Variants in SMARCA2 observed in about 807,000 individuals in gnomAD.
SMARCA2 encodes the protein SWI/SNF related BAF chromatin remodeling complex subunit ATPase 2, also known as SWI/SNF-related matrix-associated actin-dependent regulator of chromatin subfamily A member 2.
A neutral mutation model predicts 199.8 loss-of-function variants in SMARCA2; 61 were observed. The ratio of observed to expected loss-of-function variants is 0.31; its 90% CI spans 0.25 to 0.38. SMARCA2 has a LOEUF of 0.38. SMARCA2 is among the 10% of genes least tolerant of loss of function. The pLI, the probability that SMARCA2 is intolerant of heterozygous loss-of-function variation, is 1.00. For missense variants in SMARCA2, 1,344 were observed against 2,012.2 expected (o/e 0.67, Z 6.35); for synonymous variants, 935 against 732.0 (o/e 1.28, Z -4.48).
At chr9:2,060,516 A>G (rs1359485896) in intron 8 of SMARCA2, among the ~76,000 whole-genome samples, 1 of 152,240 alleles carries the variant, frequency 6.6e-6, no homozygotes, top group East Asian at 1.9e-4. Context: ...ATCTTTTTGT[A>G]CAGTTAAAGC....
rs1033365107 is a variant in SMARCA2, at chr9:2,102,159, G to GTGTGTGTGTGTT, written c.3125+549_3125+550insTGTGTTTGTGTG. 2.0e-5 allele frequency among the ~76,000 whole-genome samples: 3 copies of GTGTGTGTGTGTT among 148,140 alleles called. No homozygotes were observed. The Admixed American group carries it at 2.0e-4, about 10-fold the overall frequency. On this transcript the variant is annotated intron_variant, in intron 22 of 33. Coordinates refer to ENST00000349721, the MANE Select transcript of SMARCA2 (RefSeq NM_003070.5). ...TGTGTGTGTGTGTGTGTGTGTGTGT[G>GTGTGTGTGTGTT]TGTGTGGTGTGTTGCAAATTTGAAA...
chr9:2,172,558 G>T (rs771704636), intron 29 of SMARCA2, among the ~76,000 whole-genome samples: 1 of 152,146 alleles, frequency 6.6e-6, no homozygotes, highest in Non-Finnish European at 1.5e-5. Flanking sequence ...GGAGACGAAG[G>T]AAGACTGGGA....
intron 5 of SMARCA2, 164 bp downstream of exon 5, chr9:2,047,648 A>G (rs912487669): frequency 3.9e-5 from 33 of 850,400 alleles, no homozygotes; most frequent in Non-Finnish European, 4.7e-5. Context: ...TGCTGAGGGG[A>G]GGCACCGGGG....
At chr9:2,121,562 A>T (rs1823461588) in intron 26 of SMARCA2, among the ~76,000 whole-genome samples, 1 of 152,214 alleles carries the variant, frequency 6.6e-6, no homozygotes, top group Non-Finnish European at 1.5e-5. Flanking sequence ...ATGGAATGTG[A>T]GCTAGAATAA....
In SMARCA2 at chr9:2,185,784, A is replaced by G. The variant is rs181421270; in HGVS notation, c.4462-312A>G. 4.2e-3 allele frequency among the ~76,000 whole-genome samples: 644 copies of G among 152,336 alleles called. 2 individuals are homozygous for G. The highest frequency in any genetic ancestry group is 0.015 in the African/African-American group (613 of 41,566). On this transcript the variant is annotated intron_variant, in intron 31 of 33. Transcript: ENST00000349721. ...TCTTACTACAGCATTTGGTAGAACA[A>G]TTCAAATAAGAAATGTAGTTTTAAA...
At chr9:2,181,885 G>T (rs1014286078) in intron 30 of SMARCA2, among the ~76,000 whole-genome samples, 31 of 152,270 alleles carry the variant, frequency 2.0e-4, no homozygotes, top group African/African-American at 7.5e-4. Flanking sequence ...AGAGCTTTCA[G>T]GCTCCCTGCT....
chr9:2,185,167 G>A (rs1374932705), intron 31 of SMARCA2, among the ~76,000 whole-genome samples: 2 of 152,016 alleles, frequency 1.3e-5, no homozygotes, highest in Non-Finnish European at 2.9e-5. Flanking sequence ...GCGTGCCTAC[G>A]AACAACTAAC....
chr9:2,047,303 C>G lies in SMARCA2; in HGVS notation c.865C>G (p.Pro289Ala). 1 of 997,008 alleles carries G rather than the reference C, an allele frequency of 1.0e-6. No homozygotes were observed. The allele number at this position is 997,008 out of a possible 1,614,324, so 61.8% of individuals were successfully genotyped here. The change falls in exon 5 of 34, where the codon CCC becomes GCC. Residue 289 changes from proline to alanine, a missense_variant. Around this residue, in one of 18 missense-constraint regions of SMARCA2, gnomAD observed 117 missense variants for 99.1 expected, o/e 1.18. Transcript: ENST00000349721. ...PVPAPGGRPS[P>A]APPAAAQPPA... ...GCCCGCGCCCGGCGGCCGGCCCTCGCCCGCGCCCCCCGCAGCCGCGCAGCC... is the reference window on the plus strand; with the variant it reads ...GCCCGCGCCCGGCGGCCGGCCCTCGGCCGCGCCCCCCGCAGCCGCGCAGCC...
chr9:2,102,165 G>GT (rs3138844), intron 22 of SMARCA2, among the ~76,000 whole-genome samples: 1 of 148,502 alleles, frequency 6.7e-6, no homozygotes, highest in East Asian at 2.0e-4. Context: ...GTGTGTGTGT[G>GT]GTGTGTTGCA....
At chr9:2,146,704 G>A (rs1824767680) in intron 27 of SMARCA2, among the ~76,000 whole-genome samples, 1 of 152,154 alleles carries the variant, frequency 6.6e-6, no homozygotes, top group Non-Finnish European at 1.5e-5. Flanking sequence ...GTTTTTTGAT[G>A]ATATGCTAAA....
chr9:2,048,832 T>C (rs1038170359), intron 5 of SMARCA2, among the ~76,000 whole-genome samples: 6 of 152,240 alleles, frequency 3.9e-5, no homozygotes, highest in African/African-American at 1.4e-4. Context: ...GGGTGAATAA[T>C]TGCTGTGTGT....
chr9:2,111,470 C>T (rs1822996051), intron 24 of SMARCA2, among the ~76,000 whole-genome samples: 1 of 134,586 alleles, frequency 7.4e-6, no homozygotes, highest in African/African-American at 2.8e-5. Flanking sequence ...CCAGCCCGGG[C>T]GACAAAGCAA....
intron 13 of SMARCA2, 114 bp from the exon 14 acceptor site, chr9:2,077,511 GATAA>G: frequency 1.0e-6 from 1 of 965,878 alleles, no homozygotes; most frequent in South Asian, 1.6e-5. Flanking sequence ...AGTCGTGGTT[GATAA>G]ATAAAACACA....
At chr9:2,145,092 G>C (rs951832770) in intron 27 of SMARCA2, among the ~76,000 whole-genome samples, 1 of 152,114 alleles carries the variant, frequency 6.6e-6, no homozygotes, top group Non-Finnish European at 1.5e-5. Flanking sequence ...TTGAGGTCAG[G>C]AGTTCGAAAC....
intron 27 of SMARCA2, among the ~76,000 whole-genome samples, chr9:2,152,414 G>A (rs758698707): frequency 2.6e-5 from 4 of 152,154 alleles, no homozygotes; most frequent in Non-Finnish European, 4.4e-5. Context: ...TTAGCCAGGT[G>A]TGGTGGCTCA....
chr9:2,088,418 C>T lies in SMARCA2; in HGVS notation c.2770-82C>T, dbSNP rs1158697257. ...GTAAAATGTCAATCATGTATTGAACCACACATATGTAACATAAAGCTTTAT... is the reference window on the plus strand; with the variant it reads ...GTAAAATGTCAATCATGTATTGAACTACACATATGTAACATAAAGCTTTAT... On this transcript the variant is annotated intron_variant, in intron 18 of 33. Transcript: ENST00000349721. 2.1e-6 allele frequency: 3 copies of T among 1,455,018 alleles called. No individual in the cohort carries two copies. In the Admixed American group the frequency reaches 7.9e-5, roughly 38 times the overall value. The allele number at this position is 1,455,018 out of a possible 1,614,324, so 90.1% of individuals were successfully genotyped here.
intron 2 of SMARCA2, among the ~76,000 whole-genome samples, chr9:2,029,913 A>G (rs1040738189): frequency 6.6e-6 from 1 of 152,222 alleles, no homozygotes; most frequent in Non-Finnish European, 1.5e-5. Context: ...TATCTGTACA[A>G]CTTGGCATTA....
In SMARCA2 at chr9:2,115,010, C is replaced by G. The variant is rs909844286; in HGVS notation, c.3457-812C>G. 6.6e-6 allele frequency among the ~76,000 whole-genome samples: 1 copy of G among 151,710 alleles called. No individual in the cohort carries two copies. The highest frequency in any genetic ancestry group is 2.4e-5 in the African/African-American group (1 of 41,286). On this transcript the variant is annotated intron_variant, in intron 24 of 33. Transcript: ENST00000349721. This position sits in a 1 kb window ranked among gnomAD's most constrained non-coding sequence, Gnocchi z 6.0. ...ATACATATAGTAGGATACTATAATT[C>G]ATTTAACTAATTCAGTATTGTTGAA...
intron 31 of SMARCA2, among the ~76,000 whole-genome samples, chr9:2,185,294 C>A (rs917157483): frequency 6.6e-6 from 1 of 152,220 alleles, no homozygotes; most frequent in Non-Finnish European, 1.5e-5. Flanking sequence ...CTTTTTGTGA[C>A]TGGCTTATGC....
Sources: allele counts gnomAD v4.1 joint callset (sites outside exome capture counted in the v4.1 genomes callset), GRCh38; gene constraint gnomAD v4.1.1; regional missense constraint gnomAD v4.1.1; non-coding constraint Gnocchi (gnomAD v3.1); transcripts MANE v1.5; gene names NCBI Gene and HGNC (gene_info 2026-07-23, HGNC 2026-07-21).